LONRF1: variants seen among roughly 807,000 people sequenced by gnomAD.
LONRF1 encodes LON peptidase N-terminal domain and ring finger 1.
LONRF1 carries 37 observed loss-of-function variants against 85.8 expected under a neutral mutation model. The ratio of observed to expected loss-of-function variants is 0.43; its 90% CI spans 0.33 to 0.57. The LOEUF is 0.57. Ranked by LOEUF, LONRF1 falls within the 20% of genes least tolerant of loss-of-function variation. LONRF1 has a pLI of 0.04. For synonymous variants in LONRF1, 517 were observed against 390.1 expected, an observed-to-expected ratio of 1.33 and a Z score of -3.83; for missense variants, 1,036 against 978.0, an observed-to-expected ratio of 1.06 and a Z score of -0.79.
chr8:12,739,220 T>C (rs926005824), intron 3 of LONRF1, among the ~76,000 whole-genome samples: 1 of 151,754 alleles, frequency 6.6e-6, no homozygotes, highest in African/African-American at 2.4e-5. Context: ...GAAAAAATAC[T>C]GGAAACAATC....
At chr8:12,740,607 A>G (rs977088447) in intron 3 of LONRF1, among the ~76,000 whole-genome samples, 1 of 152,204 alleles carries the variant, frequency 6.6e-6, no homozygotes. Flanking sequence ...TTAATTAAGG[A>G]CCATCAGTCT....
rs1447503100 is a variant in LONRF1 at position 12,729,004 on chromosome 8, C to T, written c.1907G>A (p.Arg636Lys). The T allele has an allele frequency of 6.2e-7, 1 of 1,614,026 alleles. No homozygotes were observed. Among genetic ancestry groups the T allele is most frequent in the Admixed American group, 1.7e-5 (1 of 60,008 alleles). ...TCCTCCAACTGTATCAACCACAGAC[C>T]TTCCGTCCGGTAAGAAATGCACGTT... ...IRNVHFLPDG[R>K]SVVDTVGGKR... Residue 636 changes from arginine (R) to lysine (K), a missense_variant, in exon 10 of 12, where the codon AGG (arginine) becomes AAG (lysine). Physicochemically the swap from Arg to Lys is conservative, Grantham distance 26. This residue lies in a region of LONRF1 where 265 missense variants were observed against 301.5 expected (regional missense o/e 0.88). Coordinates refer to ENST00000398246, the MANE Select transcript of LONRF1 (RefSeq NM_152271.5).
intron 2 of LONRF1, among the ~76,000 whole-genome samples, chr8:12,742,578 T>A (rs947705806): frequency 6.6e-6 from 1 of 152,206 alleles, no homozygotes; most frequent in African/African-American, 2.4e-5. Flanking sequence ...CCAGTTTGTA[T>A]CCATCTTCAC....
intron 1 of LONRF1, among the ~76,000 whole-genome samples, chr8:12,752,569 A>C (rs1456216318): frequency 6.6e-6 from 1 of 152,264 alleles, no homozygotes; most frequent in Non-Finnish European, 1.5e-5. Flanking sequence ...AGTAGAATGA[A>C]GTTGCTAAGT....
chr8:12,748,486 C>A (rs927073541), intron 1 of LONRF1, among the ~76,000 whole-genome samples: 1 of 152,188 alleles, frequency 6.6e-6, no homozygotes, highest in Non-Finnish European at 1.5e-5. Context: ...CATGAGCCAC[C>A]ATGCTGGGCC....
rs1332547291 is a variant in LONRF1 at position 12,729,249 on chromosome 8, T to C, written c.1772A>G (p.Tyr591Cys). 1 of 1,613,884 alleles carries C rather than the reference T, an allele frequency of 6.2e-7. No individual in the cohort carries two copies. The highest frequency in any genetic ancestry group is 8.5e-7 in the Non-Finnish European group (1 of 1,179,914). ...PCPLHVFEPR[Y>C]RLMIRRSIQT... ...TATACTTCTTCGAATCATCAATCTG[T>C]ATCTTGGCTCAAATACATGGAGAGG... Residue 591 changes from tyrosine to cysteine, a missense_variant, in exon 9 of 12, where the codon TAC becomes TGC. Physicochemically the swap from Tyr to Cys is radical, Grantham distance 194. Coordinates refer to ENST00000398246, the MANE Select transcript of LONRF1 (RefSeq NM_152271.5).
rs1037006186 is a variant in LONRF1, at chr8:12,722,249, A to G, written c.*847T>C. 1.3e-5 allele frequency: 2 copies of G among 152,684 alleles called. No individual in the cohort carries two copies. Among genetic ancestry groups the G allele is most frequent in the African/African-American group, 4.8e-5 (2 of 41,472 alleles). 9.5% of individuals were successfully genotyped at this position (152,684 alleles called of 1,614,324 possible). On this transcript the variant is annotated 3_prime_UTR_variant, in exon 12 of 12. Coordinates refer to ENST00000398246, the MANE Select transcript of LONRF1 (RefSeq NM_152271.5). ...TAAAACAAACACATCATGTCAAACT[A>G]TAAATTACACAAATGGGCAGTTAAT...
intron 7 of LONRF1, among the ~76,000 whole-genome samples, chr8:12,733,758 AT>A (rs1798617305): frequency 6.6e-6 from 1 of 152,224 alleles, no homozygotes; most frequent in African/African-American, 2.4e-5. Flanking sequence ...AAAACAATGT[AT>A]CTAAAATAGA....
chr8:12,733,190 A>G (rs1241272077), intron 7 of LONRF1, among the ~76,000 whole-genome samples: 2 of 152,174 alleles, frequency 1.3e-5, no homozygotes, highest in South Asian at 2.1e-4. Flanking sequence ...TACACAGATA[A>G]TAAGTGTTTA....
intron 7 of LONRF1, among the ~76,000 whole-genome samples, chr8:12,734,583 T>C (rs1798648692): frequency 6.6e-6 from 1 of 152,150 alleles, no homozygotes; most frequent in Non-Finnish European, 1.5e-5. Context: ...AGAGAAGACA[T>C]CCACTGAGAT....
rs1799612083 is a variant in LONRF1, at chr8:12,755,503, AGCAGGGGGGCGTGGCGCGCGG to A, written c.-104_-84del. ...CGCGCGGCTCCGCACGCGGCCCGCG[AGCAGGGGGGCGTGGCGCGCGG>A]ACACGGCGGGGCTGCGCGCGCCCGG... On this transcript the variant is annotated 5_prime_UTR_variant, in exon 1 of 12. Coordinates refer to ENST00000398246, the MANE Select transcript of LONRF1 (RefSeq NM_152271.5). The A allele has an allele frequency of 5.8e-6, 4 of 689,098 alleles. No individual in the cohort carries two copies. Among genetic ancestry groups the A allele is most frequent in the Non-Finnish European group, 5.4e-6 (3 of 557,534 alleles). 42.7% of individuals were successfully genotyped at this position (689,098 alleles called of 1,614,324 possible).
At chr8:12,737,193 CCT>C in intron 4 of LONRF1, 53 bp from the exon 5 acceptor site, 1 of 1,582,872 alleles carries the variant, frequency 6.3e-7, no homozygotes. Flanking sequence ...ATCCTTTATT[CCT>C]CTCACCAAGA....
intron 1 of LONRF1, among the ~76,000 whole-genome samples, chr8:12,744,367 A>G (rs1799060182): frequency 6.6e-6 from 1 of 152,170 alleles, no homozygotes; most frequent in South Asian, 2.1e-4. Context: ...CATTTAAAGA[A>G]TAAAATTAAT....
At chr8:12,738,295 G>A (rs1798799653) in intron 3 of LONRF1, 151 bp from the exon 4 acceptor site, 1 of 537,788 alleles carries the variant, frequency 1.9e-6, no homozygotes, top group African/African-American at 2.0e-5. Flanking sequence ...AACACTGTAA[G>A]TTCAAAAGTC....
intron 1 of LONRF1, among the ~76,000 whole-genome samples, chr8:12,746,456 T>C (rs1052821621): frequency 1.3e-5 from 2 of 152,206 alleles, no homozygotes; most frequent in Non-Finnish European, 2.9e-5. Flanking sequence ...TAAGTTTTTA[T>C]CATCCAGCAA....
chr8:12,730,281 A>C (rs1428695043), intron 8 of LONRF1, among the ~76,000 whole-genome samples: 1 of 152,232 alleles, frequency 6.6e-6, no homozygotes, highest in Non-Finnish European at 1.5e-5. Flanking sequence ...GAATAACATG[A>C]TCCCATCTTT....
At chr8:12,746,233 C>T (rs1472742211) in intron 1 of LONRF1, among the ~76,000 whole-genome samples, 2 of 152,118 alleles carry the variant, frequency 1.3e-5, no homozygotes, top group African/African-American at 2.4e-5. Flanking sequence ...TATATCCTTA[C>T]CATTCACAAG....
At chr8:12,742,077 C>G (rs1279547085) in intron 2 of LONRF1, among the ~76,000 whole-genome samples, 1 of 152,154 alleles carries the variant, frequency 6.6e-6, no homozygotes, top group South Asian at 2.1e-4. Flanking sequence ...CTGAAGAAAA[C>G]CTTTCTGATT....
chr8:12,735,796 C>G (rs1478619248), intron 6 of LONRF1, among the ~76,000 whole-genome samples: 1 of 152,102 alleles, frequency 6.6e-6, no homozygotes, highest in Non-Finnish European at 1.5e-5. Context: ...CATTAGTTAG[C>G]TTTTGTATAG....
Sources: gnomAD v4.1 joint callset for allele counts (sites outside exome capture counted in the v4.1 genomes callset) on GRCh38, gnomAD v4.1.1 for gene constraint, gnomAD v4.1.1 regional missense constraint, MANE v1.5 for transcripts, NCBI Gene and HGNC (gene_info 2026-07-23, HGNC 2026-07-21) for gene names.